The following RGS7BP variants were observed in gnomAD, a reference collection of about 807,000 sequenced individuals.
The protein encoded by RGS7BP is regulator of G protein signaling 7 binding protein, also known as regulator of G protein signaling 7-binding protein.
A neutral mutation model predicts 31.3 loss-of-function variants in RGS7BP; 9 were observed. The ratio of observed to expected loss-of-function variants is 0.29; its 90% confidence interval spans 0.17 to 0.50. RGS7BP has a LOEUF of 0.50. Ranked by LOEUF, RGS7BP falls within the 20% of genes least tolerant of loss-of-function variation. The pLI is 0.98. For synonymous variants in RGS7BP, 115 were observed against 120.1 expected (o/e 0.96, Z 0.28); for missense variants, 274 against 322.0 (o/e 0.85, Z 1.14).
At chr5:64,512,443 G>A (rs1025537396) in intron 2 of RGS7BP, among the ~76,000 whole-genome samples, 2 of 152,168 alleles carry the variant, frequency 1.3e-5, no homozygotes, top group African/African-American at 4.8e-5. Flanking sequence ...CAGTCTGGCT[G>A]TGCTGCTATT....
At chr5:64,600,273 G>C (rs1743184880) in intron 5 of RGS7BP, among the ~76,000 whole-genome samples, 1 of 152,136 alleles carries the variant, frequency 6.6e-6, no homozygotes, top group African/African-American at 2.4e-5. Flanking sequence ...GGGTCCCCCA[G>C]TCTGAATTTC....
Position 64,532,907 on chromosome 5 carries a change from G to A in RGS7BP, c.332+25030G>A, listed in dbSNP as rs566421242. Among the ~76,000 whole-genome samples, 22 of 152,180 alleles carry A rather than the reference G, an allele frequency of 1.4e-4. No homozygotes were observed. In the South Asian group the frequency reaches 1.7e-3, roughly 12 times the overall value. On this transcript the variant is annotated intron_variant, in intron 2 of 5. Transcript: ENST00000334025. ...ATAATCACACTACCCCTTCAGTATT[G>A]TTTGCAGCTCTGTGCCTCTGGCCCA...
chr5:64,531,960 C>T (rs1749379833), intron 2 of RGS7BP, among the ~76,000 whole-genome samples: 1 of 152,134 alleles, frequency 6.6e-6, no homozygotes, highest in African/African-American at 2.4e-5. Flanking sequence ...TTCCTACCTG[C>T]TAGTTTTTTT....
intron 2 of RGS7BP, among the ~76,000 whole-genome samples, chr5:64,567,272 A>G (rs1742193677): frequency 6.6e-6 from 1 of 152,092 alleles, no homozygotes; most frequent in Non-Finnish European, 1.5e-5. Flanking sequence ...AGCCTCTCAC[A>G]TGGAAGAGGA....
In RGS7BP at chr5:64,553,171, C is replaced by CTTTCT. The variant is rs1554055801; in HGVS notation, c.333-22600_333-22599insCTTTT. Among the ~76,000 whole-genome samples, 222 of 118,234 alleles carry CTTTCT rather than the reference C, an allele frequency of 1.9e-3. 2 individuals carry two copies. The highest frequency in any genetic ancestry group is 6.1e-3 in the African/African-American group (190 of 31,238). 77.6% of individuals were successfully genotyped at this position (118,234 alleles called of 152,430 possible). ...TAGGACTTCCTTCCTTTCTTTCTTT[C>CTTTCT]TTTTTTTTTTTTTTTTTTTGAAACG... On this transcript the variant is annotated intron_variant, in intron 2 of 5. Coordinates refer to ENST00000334025, the MANE Select transcript of RGS7BP (RefSeq NM_001029875.3).
chr5:64,568,248 T>C (rs955730660), intron 2 of RGS7BP, among the ~76,000 whole-genome samples: 6 of 152,120 alleles, frequency 3.9e-5, no homozygotes, highest in Non-Finnish European at 8.8e-5. Context: ...GCACTCAGAC[T>C]CTATCAGTCG....
intron 2 of RGS7BP, among the ~76,000 whole-genome samples, chr5:64,512,586 G>A (rs960333912): frequency 8.5e-5 from 13 of 152,146 alleles, no homozygotes; most frequent in African/African-American, 2.7e-4. Context: ...TTAGGAGACC[G>A]CAAGCATATA....
intron 2 of RGS7BP, among the ~76,000 whole-genome samples, chr5:64,553,846 C>T (rs1741856147): frequency 6.6e-6 from 1 of 152,030 alleles, no homozygotes; most frequent in South Asian, 2.1e-4. Context: ...TATAACTAAG[C>T]TCACAGGAAA....
intron 2 of RGS7BP, among the ~76,000 whole-genome samples, chr5:64,528,162 G>C (rs1749278372): frequency 6.6e-6 from 1 of 152,212 alleles, no homozygotes; most frequent in African/African-American, 2.4e-5. Flanking sequence ...CTAGGGAGAA[G>C]ACGGAGAAGG....
Position 64,528,073 on chromosome 5 carries a change from C to G in RGS7BP, c.332+20196C>G, listed in dbSNP as rs1004891785. 4.6e-5 allele frequency among the ~76,000 whole-genome samples: 7 copies of G among 152,314 alleles called. No individual in the cohort carries two copies. The East Asian group carries it at 1.4e-3, about 29-fold the overall frequency. The stretch of plus-strand genomic sequence containing the variant: ...CGAAGATATATGCAAAAACTGGCTG[C>G]TTTGCTTGTCCTCTAGGTTACCTAC... On this transcript the variant is annotated intron_variant, in intron 2 of 5. Coordinates refer to ENST00000334025, the MANE Select transcript of RGS7BP (RefSeq NM_001029875.3).
chr5:64,573,064 C>T (rs937367860), intron 2 of RGS7BP, among the ~76,000 whole-genome samples: 6 of 144,372 alleles, frequency 4.2e-5, no homozygotes, highest in African/African-American at 7.7e-5. Flanking sequence ...TGAGAACATA[C>T]GGTGTTTGGT....
chr5:64,596,467 G>A (rs1210933858), intron 4 of RGS7BP, among the ~76,000 whole-genome samples: 1 of 152,186 alleles, frequency 6.6e-6, no homozygotes, highest in Non-Finnish European at 1.5e-5. Context: ...CTCCTGTGCA[G>A]CAGCCAAGGT....
chr5:64,587,289 C>T (rs1263118886), intron 3 of RGS7BP, among the ~76,000 whole-genome samples: 2 of 152,084 alleles, frequency 1.3e-5, no homozygotes, highest in African/African-American at 2.4e-5. Flanking sequence ...AGGATGACTT[C>T]AACAAACTAG....
rs1580480406 is a variant in RGS7BP, at chr5:64,611,110, C to G, written c.*1858C>G. 6.6e-6 allele frequency: 1 copy of G among 151,786 alleles called. No individual in the cohort carries two copies. Among genetic ancestry groups the G allele is most frequent in the East Asian group, 1.9e-4 (1 of 5,170 alleles). The allele number at this position is 151,786 out of a possible 1,614,324, so 9.4% of individuals were successfully genotyped here. On this transcript the variant is annotated 3_prime_UTR_variant, in exon 6 of 6. Transcript: ENST00000334025. ...TTAAAGACTCTTAGGGTAAATACTC[C>G]CTGGAAAAGCAAGCAATCCAGACTT... is the stretch of plus-strand genomic sequence containing the variant.
chr5:64,530,482 G>C (rs1182287288), intron 2 of RGS7BP, among the ~76,000 whole-genome samples: 1 of 152,184 alleles, frequency 6.6e-6, no homozygotes. Flanking sequence ...TTGTGTAATA[G>C]ACGAGGAAAT....
chr5:64,571,769 A>G (rs1253746310), intron 2 of RGS7BP, among the ~76,000 whole-genome samples: 1 of 152,160 alleles, frequency 6.6e-6, no homozygotes, highest in Non-Finnish European at 1.5e-5. Flanking sequence ...TGATTTAGTC[A>G]TTAAATCCTG....
rs551167804 is a variant in RGS7BP at position 64,574,429 on chromosome 5, A to G, written c.333-1345A>G. 2.0e-5 allele frequency among the ~76,000 whole-genome samples: 3 copies of G among 152,258 alleles called. No homozygotes were observed. In the East Asian group the frequency reaches 5.8e-4, roughly 29 times the overall value. ...AAAAACCCCGATATTTTCCCCAGAG[A>G]TACTTTTGCTTCCTATGTTGGCCTA... On this transcript the variant is annotated intron_variant, in intron 2 of 5. Coordinates refer to ENST00000334025, the MANE Select transcript of RGS7BP (RefSeq NM_001029875.3).
intron 2 of RGS7BP, among the ~76,000 whole-genome samples, chr5:64,574,202 G>A (rs930298324): frequency 6.6e-6 from 1 of 152,042 alleles, no homozygotes; most frequent in Non-Finnish European, 1.5e-5. Context: ...GAATCTAGCA[G>A]GTCCATGAGG....
At chr5:64,596,120 C>T (rs927856000) in intron 4 of RGS7BP, among the ~76,000 whole-genome samples, 5 of 152,196 alleles carry the variant, frequency 3.3e-5, no homozygotes, top group African/African-American at 1.2e-4. Flanking sequence ...TTTTACTTTG[C>T]AGACCTTAGA....
Sources: gnomAD v4.1 joint callset for allele counts (sites outside exome capture counted in the v4.1 genomes callset) on GRCh38, gnomAD v4.1.1 for gene constraint, MANE v1.5 for transcripts, NCBI Gene and HGNC (gene_info 2026-07-23, HGNC 2026-07-21) for gene names.